SLC15A1: variants seen among roughly 807,000 people sequenced by gnomAD.
SLC15A1 encodes solute carrier family 15 member 1.
In SLC15A1, 83 loss-of-function variants were observed where a neutral mutation model predicts 92.9. The observed-to-expected ratio is 0.89, with a 90% CI of 0.75 to 1.07. The LOEUF (loss-of-function observed/expected upper bound fraction) is 1.07. Ranked by LOEUF, SLC15A1 falls within the 50% of genes least tolerant of loss-of-function variation. SLC15A1 has a pLI of 0.00. For missense variants in SLC15A1, 857 were observed against 880.1 expected, an observed-to-expected ratio of 0.97 and a Z score of 0.33; for synonymous variants, 322 against 318.2, an observed-to-expected ratio of 1.01 and a Z score of -0.13.
intron 18 of SLC15A1, among the ~76,000 whole-genome samples, chr13:98,692,914 T>C (rs1265536229): frequency 6.6e-6 from 1 of 151,688 alleles, no homozygotes; most frequent in East Asian, 1.9e-4. Context: ...ATTTTTGTCT[T>C]TTTTTGTAGG....
chr13:98,711,423 A>G (rs1163422846), intron 11 of SLC15A1, among the ~76,000 whole-genome samples: 1 of 152,130 alleles, frequency 6.6e-6, no homozygotes, highest in Non-Finnish European at 1.5e-5. Context: ...TGGTACTTCT[A>G]GCCCAAGCAT....
In SLC15A1 at chr13:98,726,227, C is replaced by T. The variant is rs201183216; in HGVS notation, c.141G>A (p.Trp47Ter). ...AGATGGCGGTGGACAGGTTATCATC[C>T]CAGCTGATGAAATTTGTGAAGTACA... is the stretch of plus-strand genomic sequence containing the variant. ...LILYFTNFIS[W>*]DDNLSTAIYH... Residue 47 changes from tryptophan to a stop codon, truncating the protein, a stop_gained, in exon 4 of 23, where the codon TGG becomes TGA. Transcript: ENST00000376503. LOFTEE classifies it high-confidence loss of function. 70 of 1,613,680 alleles carry T rather than the reference C, an allele frequency of 4.3e-5. No individual in the cohort carries two copies. Among genetic ancestry groups the T allele is most frequent in the Non-Finnish European group, 5.8e-5 (69 of 1,179,980 alleles).
chr13:98,731,257 T>A (rs1594005353), intron 1 of SLC15A1, among the ~76,000 whole-genome samples: 1 of 152,202 alleles, frequency 6.6e-6, no homozygotes. Context: ...GCAGCGCACC[T>A]GCTGTGGACT....
intron 2 of SLC15A1, 180 bp from the exon 3 acceptor site, chr13:98,726,629 A>G: frequency 1.3e-6 from 1 of 749,740 alleles, no homozygotes; most frequent in Non-Finnish European, 2.3e-6. Context: ...CCACATAGAG[A>G]CAGCAATGAA....
rs529815125 is a variant in SLC15A1 at position 98,731,796 on chromosome 13, C to T, written c.5-4937G>A. ...TCTCTACTCCAACCCACTACAGTTA[C>T]AGAAAAGAGGTCATTCAGAAAGCTT... On this transcript the variant is annotated intron_variant, in intron 1 of 22. Transcript: ENST00000376503. 1.5e-4 allele frequency among the ~76,000 whole-genome samples: 23 copies of T among 152,250 alleles called. No individual in the cohort carries two copies. In the South Asian group the frequency reaches 4.6e-3, roughly 30 times the overall value.
At position 98,688,330 on chromosome 13, in the gene SLC15A1, T is replaced by C. The variant is rs1172103771; in HGVS notation, c.1601A>G (p.Glu534Gly). The change falls in exon 20 of 23, where the codon GAG (glutamate) becomes GGG (glycine). Residue 534 changes from glutamate (E) to glycine (G), a missense_variant. By Grantham distance (98) the Glu-to-Gly change is moderately conservative (BLOSUM62 -2). Transcript: ENST00000376503. ...ATTAGGTTGACATTGTGGCGGAATCTCTGTTGAGCTTATTGTGAAGCCTTT... is the reference window on the plus strand; with the variant it reads ...ATTAGGTTGACATTGTGGCGGAATCCCTGTTGAGCTTATTGTGAAGCCTTT... ...GIKGFTISSTEIPPQCQPNFN... is the reference protein window; with the variant it reads ...GIKGFTISSTGIPPQCQPNFN... 2 of 1,614,040 alleles carry C rather than the reference T, an allele frequency of 1.2e-6. No homozygotes were observed. The highest frequency in any genetic ancestry group is 2.2e-5 in the South Asian group (2 of 91,074).
chr13:98,721,775 G>A (rs56034478), intron 6 of SLC15A1, 29 bp downstream of exon 6: 25 of 1,595,526 alleles, frequency 1.6e-5, no homozygotes, highest in African/African-American at 2.7e-5. Context: ...GTTCATTCAC[G>A]TGGGCTCTGG....
In SLC15A1 at chr13:98,683,890, T is replaced by C. The variant is rs1200975200; in HGVS notation, c.*834A>G. ...AGCTGTCTTTCGAGTTATCCATAAT[T>C]TAAACACAGGTAGGGACTAGAAAAA... On this transcript the variant is annotated 3_prime_UTR_variant, in exon 23 of 23. Transcript: ENST00000376503. 1 of 152,154 alleles carries C rather than the reference T, an allele frequency of 6.6e-6. No individual in the cohort carries two copies. The highest frequency in any genetic ancestry group is 1.5e-5 in the Non-Finnish European group (1 of 68,032). 9.4% of individuals were successfully genotyped at this position (152,154 alleles called of 1,614,324 possible).
At chr13:98,706,348 A>G (rs1326825146) in intron 15 of SLC15A1, 95 bp from the exon 16 acceptor site, 1 of 1,426,790 alleles carries the variant, frequency 7.0e-7, no homozygotes, top group Non-Finnish European at 9.6e-7. Context: ...TCCAGCTGGG[A>G]AAAGCTGCGC....
chr13:98,713,919 C>T (rs1310632250), intron 9 of SLC15A1, among the ~76,000 whole-genome samples: 5 of 151,778 alleles, frequency 3.3e-5, no homozygotes, highest in Non-Finnish European at 5.9e-5. Flanking sequence ...TGGTAGTGTA[C>T]GTCTATAGTC....
chr13:98,726,952 T>C (rs1349079760), intron 1 of SLC15A1, 93 bp from the exon 2 acceptor site: 31 of 1,226,766 alleles, frequency 2.5e-5, no homozygotes, highest in Non-Finnish European at 3.4e-5. Flanking sequence ...TTTAGGGTGG[T>C]CAGAGGGGCC....
chr13:98,734,052 G>A (rs1484607804), intron 1 of SLC15A1, among the ~76,000 whole-genome samples: 2 of 151,456 alleles, frequency 1.3e-5, no homozygotes, highest in Non-Finnish European at 2.9e-5. Context: ...TGCAACCTCC[G>A]CCTCCCGGGT....
At chr13:98,737,727 C>T (rs2088405716) in intron 1 of SLC15A1, among the ~76,000 whole-genome samples, 1 of 152,014 alleles carries the variant, frequency 6.6e-6, no homozygotes, top group Admixed American at 6.6e-5. Context: ...CAAGAATGGC[C>T]TAACACAGAA....
chr13:98,743,308 G>C (rs536889975), intron 1 of SLC15A1, among the ~76,000 whole-genome samples: 1 of 152,166 alleles, frequency 6.6e-6, no homozygotes, highest in South Asian at 2.1e-4. Context: ...TTTTAAAAAG[G>C]TTTCCACACA....
At chr13:98,725,991 C>G (rs1566454366) in intron 4 of SLC15A1, 132 bp downstream of exon 4, 1 of 1,174,368 alleles carries the variant, frequency 8.5e-7, no homozygotes, top group Non-Finnish European at 1.2e-6. Context: ...CAGGTATGAA[C>G]CATACCACAC....
In SLC15A1 at chr13:98,726,209, G is replaced by A. The variant is rs774526667; in HGVS notation, c.159C>T (p.Thr53=). 5.0e-5 allele frequency: 80 copies of A among 1,613,976 alleles called. No individual in the cohort carries two copies. The highest frequency in any genetic ancestry group is 4.5e-5 in the East Asian group (2 of 44,890). Residue 53 remains threonine (T), a synonymous_variant, in exon 4 of 23, where the codon ACC becomes ACT. Coordinates refer to ENST00000376503, the MANE Select transcript of SLC15A1 (RefSeq NM_005073.4). ...NFISWDDNLS[T]AIYHTFVALC... ...GAGCCACAAACGTATGGTAGATGGC[G>A]GTGGACAGGTTATCATCCCAGCTGA... is the stretch of plus-strand genomic sequence containing the variant.
chr13:98,750,302 G>A (rs1375341236), intron 1 of SLC15A1, among the ~76,000 whole-genome samples: 9 of 152,110 alleles, frequency 5.9e-5, no homozygotes, highest in South Asian at 2.1e-4. Context: ...TAGTAGAGAC[G>A]GGGTTTCACC....
intron 1 of SLC15A1, among the ~76,000 whole-genome samples, chr13:98,751,811 G>A (rs1403878386): frequency 6.6e-6 from 1 of 152,152 alleles, no homozygotes; most frequent in Admixed American, 6.5e-5. Flanking sequence ...TCAACAACGT[G>A]GCCACATCTT....
At chr13:98,702,803 C>G (rs778678828) in intron 17 of SLC15A1, among the ~76,000 whole-genome samples, 10 of 151,546 alleles carry the variant, frequency 6.6e-5, no homozygotes, top group Non-Finnish European at 1.0e-4. Context: ...TAGAAATTAG[C>G]CAGGTGTGGT....
Sources: allele counts gnomAD v4.1 joint callset (sites outside exome capture counted in the v4.1 genomes callset), GRCh38; gene constraint gnomAD v4.1.1; transcripts MANE v1.5; gene names NCBI Gene and HGNC (gene_info 2026-07-23, HGNC 2026-07-21).